REC8: variants seen among roughly 807,000 people sequenced by gnomAD.
REC8 encodes REC8 meiotic recombination protein.
A neutral mutation model predicts 78.3 loss-of-function variants in REC8; 42 were observed. The ratio of observed to expected loss-of-function variants is 0.54; its 90% CI spans 0.42 to 0.69. The LOEUF is 0.69. Among genes scored for constraint, REC8 ranks in the 30% least tolerant of loss-of-function variants. REC8 has a pLI of 0.00. For synonymous variants in REC8, 268 were observed against 274.1 expected, an observed-to-expected ratio of 0.98 and a Z score of 0.22; for missense variants, 581 against 715.8, an observed-to-expected ratio of 0.81 and a Z score of 2.15.
At position 24,179,892 on chromosome 14, in the gene REC8, T is replaced by C. The variant is rs1283700893; in HGVS notation, c.1544T>C (p.Phe515Ser). 1 of 1,613,986 alleles carries C rather than the reference T, an allele frequency of 6.2e-7. No individual in the cohort carries two copies. The highest frequency in any genetic ancestry group is 8.5e-7 in the Non-Finnish European group (1 of 1,179,934). ...CCCCGCAGGATGGCTGCCCGGGTCT[T>C]CTACCTGCTCCTGGGTGAGTGTATG... is the stretch of plus-strand genomic sequence containing the variant. Reference protein sequence around the residue: ...LSPRRMAARVFYLLLVLSAQQ... With the variant: ...LSPRRMAARVSYLLLVLSAQQ... Residue 515 changes from phenylalanine (F) to serine (S), a missense_variant, in exon 18 of 19, where the codon TTC (phenylalanine) becomes TCC (serine). Transcript: ENST00000611366.
At chr14:24,178,270 A>C in intron 12 of REC8, 48 bp downstream of exon 12, 1 of 1,539,576 alleles carries the variant, frequency 6.5e-7, no homozygotes. Context: ...GGCAGGGATG[A>C]CCAGGGGCAC....
downstream of REC8, chr14:24,180,809 T>G: frequency 1.9e-6 from 3 of 1,567,218 alleles, no homozygotes; most frequent in African/African-American, 1.4e-5. Context: ...ACCCCAGGTC[T>G]AGGAGGGTGG....
intron 7 of REC8, 107 bp from the exon 8 acceptor site, chr14:24,177,034 T>G: frequency 7.3e-7 from 1 of 1,360,984 alleles, no homozygotes; most frequent in South Asian, 1.2e-5. Context: ...AGTGGCTTCC[T>G]TGAACCTGGC....
intron 6 of REC8, among the ~76,000 whole-genome samples, chr14:24,176,356 T>A (rs1253847159): frequency 1.8e-5 from 1 of 54,910 alleles, no homozygotes; most frequent in Non-Finnish European, 3.5e-5. Flanking sequence ...CATACTCGGC[T>A]TTTTTTTTTT....
chr14:24,173,051 G>A lies in REC8; in HGVS notation c.268+10G>A, dbSNP rs756243247. The stretch of plus-strand genomic sequence containing the variant: ...TGCCAGTACCTCGTGGGTAAGGCTG[G>A]GAACCCTCAAAGGTGGGGCGGGCTG... On this transcript the variant is annotated intron_variant, in intron 3 of 18. Coordinates refer to ENST00000611366, the MANE Select transcript of REC8 (RefSeq NM_001048205.2). 1 of 1,610,208 alleles carries A rather than the reference G, an allele frequency of 6.2e-7. No homozygotes were observed. The highest frequency in any genetic ancestry group is 8.5e-7 in the Non-Finnish European group (1 of 1,179,982).
intron 5 of REC8, among the ~76,000 whole-genome samples, chr14:24,174,868 A>G (rs1405093190): frequency 6.6e-6 from 1 of 151,822 alleles, no homozygotes; most frequent in Non-Finnish European, 1.5e-5. Context: ...GCCTTGTTTT[A>G]CCCTTTGCCT....
chr14:24,174,537 C>T (rs1001168914), intron 5 of REC8, among the ~76,000 whole-genome samples: 70 of 152,242 alleles, frequency 4.6e-4, no homozygotes, highest in African/African-American at 1.7e-3. Context: ...CTCGGCCTCC[C>T]AAAGTGCTGG....
At chr14:24,179,319 TCTA>T (rs2039057912) in intron 15 of REC8, 75 bp from the exon 16 acceptor site, 4 of 1,472,118 alleles carry the variant, frequency 2.7e-6, no homozygotes, top group Non-Finnish European at 3.8e-6. Context: ...GGCTCTGCCA[TCTA>T]CTTACACCAG....
chr14:24,178,888 GAA>G lies in REC8; in HGVS notation c.1177_1178del (p.Lys393AspfsTer2). The G allele has an allele frequency of 6.2e-7, 1 of 1,613,470 alleles. No homozygotes were observed. Among genetic ancestry groups the G allele is most frequent in the Non-Finnish European group, 8.5e-7 (1 of 1,180,002 alleles). ...GAGGCAGCCGCTGAGGAGGAAAGGA[GAA>G]AGATTGAAGTTCCAAGTGAGATTGA... On this transcript the variant is annotated frameshift_variant, in exon 14 of 19. Transcript: ENST00000611366. LOFTEE classifies it high-confidence loss of function.
rs921771410 is a variant in REC8 at position 24,177,351 on chromosome 14, A to C, written c.707-2A>C. On this transcript the variant is annotated splice_acceptor_variant, in intron 8 of 18. Transcript: ENST00000611366. LOFTEE classifies it high-confidence loss of function. ...CTCTGAACTCTGATTCTCTCTCCAC[A>C]GTCCCGCGGCTCCCACCTCCAGCTC... 3.7e-6 allele frequency: 6 copies of C among 1,614,140 alleles called. No homozygotes were observed. The highest frequency in any genetic ancestry group is 5.1e-6 in the Non-Finnish European group (6 of 1,180,028).
intron 12 of REC8, among the ~76,000 whole-genome samples, 169 bp from the exon 13 acceptor site, chr14:24,178,437 G>A (rs1350814709): frequency 6.6e-6 from 1 of 152,174 alleles, no homozygotes. Context: ...ATACCCATGG[G>A]CACCAGGTTA....
chr14:24,172,848 C>T, intron 2 of REC8, 51 bp from the exon 3 acceptor site: 1 of 1,613,638 alleles, frequency 6.2e-7, no homozygotes. Context: ...GTGGCCAAGA[C>T]TGTGGGCCCA....
rs898014436 is a variant in REC8 at position 24,179,618 on chromosome 14, C to T, written c.1343C>T (p.Pro448Leu). 7.4e-6 allele frequency: 12 copies of T among 1,614,090 alleles called. No individual in the cohort carries two copies. Among genetic ancestry groups the T allele is most frequent in the East Asian group, 2.2e-5 (1 of 44,894 alleles). Reference sequence around the variant, plus strand: ...AGGGCCTGGCCTGAGGTGGAGGCGCCAGAAGCTCCTGCATTGCCCGTGGTG... The same window carrying T: ...AGGGCCTGGCCTGAGGTGGAGGCGCTAGAAGCTCCTGCATTGCCCGTGGTG... ...ERWAWPEVEA[P>L]EAPALPVVPE... The change falls in exon 17 of 19, where the codon CCA becomes CTA. Residue 448 changes from proline (P) to leucine (L), a missense_variant. Coordinates refer to ENST00000611366, the MANE Select transcript of REC8 (RefSeq NM_001048205.2).
rs1280416870 is a variant in REC8, at chr14:24,172,116, G to T, written c.-437G>T. 9 of 168,316 alleles carry T rather than the reference G, an allele frequency of 5.3e-5. No individual in the cohort carries two copies. 10.4% of individuals were successfully genotyped at this position (168,316 alleles called of 1,614,324 possible). On this transcript the variant is annotated 5_prime_UTR_variant, in exon 1 of 19. Coordinates refer to ENST00000611366, the MANE Select transcript of REC8 (RefSeq NM_001048205.2). ...GTAGGCGGCCCGGGGCCACACCGCGGCCGCCCAAGCCAGTGCAAGGCCCAG... is the reference window on the plus strand; with the variant it reads ...GTAGGCGGCCCGGGGCCACACCGCGTCCGCCCAAGCCAGTGCAAGGCCCAG...
In REC8 at chr14:24,172,320, G is replaced by A; in HGVS notation, c.-233G>A. ...ATCACGTGGCGTGCGGATCCACTGA[G>A]GGTCCACAGAGAGGGGCGCCCATCT... On this transcript the variant is annotated 5_prime_UTR_variant, in exon 1 of 19. Coordinates refer to ENST00000611366, the MANE Select transcript of REC8 (RefSeq NM_001048205.2). 1.8e-6 allele frequency: 1 copy of A among 558,002 alleles called. No homozygotes were observed. The highest frequency in any genetic ancestry group is 3.2e-6 in the Non-Finnish European group (1 of 315,694). 34.6% of individuals were successfully genotyped at this position (558,002 alleles called of 1,614,324 possible).
chr14:24,177,441 T>C, intron 9 of REC8, 24 bp from the exon 10 acceptor site: 1 of 1,614,106 alleles, frequency 6.2e-7, no homozygotes, highest in Non-Finnish European at 8.5e-7. Context: ...GGTCTCCTCA[T>C]TTCTCTTGCC....
chr14:24,173,949 T>C (rs772700805), intron 5 of REC8, among the ~76,000 whole-genome samples: 7 of 152,132 alleles, frequency 4.6e-5, no homozygotes, highest in Non-Finnish European at 7.3e-5. Flanking sequence ...TACTGCAACC[T>C]CTGCCTCCCC....
intron 17 of REC8, 24 bp downstream of exon 17, chr14:24,179,750 T>C (rs990659547): frequency 8.1e-6 from 13 of 1,614,136 alleles, no homozygotes; most frequent in Non-Finnish European, 1.0e-5. Context: ...GGCACCTTGA[T>C]GGGGTGGACC....
At position 24,179,794 on chromosome 14, in the gene REC8, C is replaced by T; in HGVS notation, c.1452-6C>T. ...AGCCTCTGCTAATGGTTCTTGATCC[C>T]TATAGGGCAGTGGCACTGGAGCTGC... On this transcript the variant is annotated splice_polypyrimidine_tract_variant and splice_region_variant and intron_variant, in intron 17 of 18. Transcript: ENST00000611366. 6.2e-7 allele frequency: 1 copy of T among 1,613,450 alleles called. No homozygotes were observed. The highest frequency in any genetic ancestry group is 8.5e-7 in the Non-Finnish European group (1 of 1,179,604).
Sources: gnomAD v4.1 joint callset for allele counts (sites outside exome capture counted in the v4.1 genomes callset) on GRCh38, gnomAD v4.1.1 for gene constraint, MANE v1.5 for transcripts, NCBI Gene and HGNC (gene_info 2026-07-23, HGNC 2026-07-21) for gene names.